ANO2: variants seen among roughly 807,000 people sequenced by gnomAD.
ANO2 encodes the protein anoctamin-2.
In ANO2, 101 loss-of-function variants were observed where a neutral mutation model predicts 124.2. The observed-to-expected ratio is 0.81, with a 90% CI of 0.69 to 0.96. The LOEUF (loss-of-function observed/expected upper bound fraction) is 0.96, where lower values mean the gene tolerates loss of function less well. Ranked by LOEUF, ANO2 falls within the 40% of genes least tolerant of loss-of-function variation. The pLI, the probability that ANO2 is intolerant of heterozygous loss-of-function variation, is 0.00. For missense variants in ANO2, 1,293 were observed against 1,274.5 expected (o/e 1.01, Z -0.22); for synonymous variants, 486 against 482.5 (o/e 1.01, Z -0.09).
At chr12:5,800,190 C>T (rs1952996875) in intron 9 of ANO2, among the ~76,000 whole-genome samples, 1 of 152,084 alleles carries the variant, frequency 6.6e-6, no homozygotes, top group African/African-American at 2.4e-5. Flanking sequence ...TGTGCAAATG[C>T]CCCAAGGCAA....
At chr12:5,632,356 A>G (rs1044985955) in intron 16 of ANO2, among the ~76,000 whole-genome samples, 16 of 151,870 alleles carry the variant, frequency 1.1e-4, no homozygotes, top group African/African-American at 3.9e-4. Context: ...CTGAGTCTGA[A>G]CCTTAGTAAA....
At chr12:5,618,639 T>C (rs1944959906) in intron 16 of ANO2, among the ~76,000 whole-genome samples, 1 of 152,150 alleles carries the variant, frequency 6.6e-6, no homozygotes, top group African/African-American at 2.4e-5. Context: ...CCATTATTGT[T>C]TTCATCAAAC....
At chr12:5,595,642 A>T (rs938282553) in intron 20 of ANO2, among the ~76,000 whole-genome samples, 2 of 152,202 alleles carry the variant, frequency 1.3e-5, no homozygotes, top group Admixed American at 6.5e-5. Context: ...GTTGAAAAAC[A>T]TATGTGTAAG....
intron 20 of ANO2, 24 bp from the exon 21 acceptor site, chr12:5,578,542 G>A (rs1383685503): frequency 1.2e-6 from 2 of 1,604,674 alleles, no homozygotes; most frequent in East Asian, 2.2e-5. Flanking sequence ...CAGCATGAGG[G>A]CTTCAGCAGG....
intron 14 of ANO2, among the ~76,000 whole-genome samples, chr12:5,717,123 C>T (rs1184053578): frequency 6.6e-6 from 1 of 152,242 alleles, no homozygotes; most frequent in Non-Finnish European, 1.5e-5. Flanking sequence ...GCATTCAGCT[C>T]AGGCTGTGCT....
In ANO2 at chr12:5,806,061, A is replaced by T; in HGVS notation, c.981T>A (p.Asn327Lys). 1.2e-6 allele frequency: 2 copies of T among 1,613,838 alleles called. No homozygotes were observed. The highest frequency in any genetic ancestry group is 1.7e-6 in the Non-Finnish European group (2 of 1,179,818). Residue 327 changes from asparagine (N) to lysine (K), a missense_variant, in exon 9 of 25, where the codon AAT (asparagine) becomes AAA (lysine). Asn to Lys is a moderately conservative substitution (Grantham distance 94, BLOSUM62 0). Coordinates refer to ENST00000682330, the MANE Select transcript of ANO2 (RefSeq NM_001364791.2). Reference sequence around the variant, plus strand: ...CACGAGGCAGGCTTACCTTCCTGTCATTCATATCGTCCTCTGGACTATCGT... The same window carrying T: ...CACGAGGCAGGCTTACCTTCCTGTCTTTCATATCGTCCTCTGGACTATCGT... ...GEYDSPEDDM[N>K]DRKLLYQEWA...
chr12:5,834,283 C>T (rs1424941462), intron 4 of ANO2, among the ~76,000 whole-genome samples: 2 of 152,216 alleles, frequency 1.3e-5, no homozygotes, highest in Admixed American at 6.5e-5. Flanking sequence ...CATCCAGACG[C>T]TCTGACTCAA....
At chr12:5,856,735 T>C (rs1319793847) in intron 3 of ANO2, 1 of 152,208 alleles carries the variant, frequency 6.6e-6, no homozygotes, top group East Asian at 1.9e-4. Context: ...GAGAGTGTCA[T>C]AGCAGCCCTG....
At position 5,904,539 on chromosome 12, in the gene ANO2, G is replaced by A. The variant is rs1252605927; in HGVS notation, c.534+16501C>T. Among the ~76,000 whole-genome samples the A allele has an allele frequency of 1.3e-5, 2 of 152,178 alleles. No individual in the cohort carries two copies. Among genetic ancestry groups the A allele is most frequent in the African/African-American group, 4.8e-5 (2 of 41,448 alleles). On this transcript the variant is annotated intron_variant, in intron 3 of 24. Transcript: ENST00000682330. This position sits in a 1 kb window ranked among gnomAD's most constrained non-coding sequence, Gnocchi z 4.1. ...CGAATGAGCGGCGCACACACCTGTG[G>A]GTTTATCCCAGTACTGCTTCCGGGG...
intron 17 of ANO2, 85 bp downstream of exon 17, chr12:5,615,101 G>T: frequency 9.4e-7 from 1 of 1,062,692 alleles, no homozygotes; most frequent in African/African-American, 1.6e-5. Flanking sequence ...GGACAATGGG[G>T]ACAGGCTGAC....
At chr12:5,690,497 C>A (rs1265037283) in intron 14 of ANO2, among the ~76,000 whole-genome samples, 1 of 152,204 alleles carries the variant, frequency 6.6e-6, no homozygotes, top group Non-Finnish European at 1.5e-5. Context: ...AAGTCAGCAT[C>A]CTCAGCACAG....
chr12:5,589,239 C>T (rs1056527697), intron 20 of ANO2, among the ~76,000 whole-genome samples: 4 of 152,158 alleles, frequency 2.6e-5, no homozygotes, highest in African/African-American at 2.4e-5. Context: ...GGTGGGTTCA[C>T]GTTACACCTT....
At chr12:5,866,712 T>G (rs1452387429) in intron 3 of ANO2, among the ~76,000 whole-genome samples, 1 of 152,202 alleles carries the variant, frequency 6.6e-6, no homozygotes, top group Non-Finnish European at 1.5e-5. Context: ...AGCCTGGGGA[T>G]CCAGGGGGCT....
intron 10 of ANO2, among the ~76,000 whole-genome samples, chr12:5,755,119 TTGAGA>T (rs1951538909): frequency 6.6e-6 from 1 of 151,976 alleles, no homozygotes; most frequent in African/African-American, 2.4e-5. Context: ...TTCATTTGTC[TTGAGA>T]TATTTTCTAA....
Position 5,736,464 on chromosome 12 carries a change from C to T in ANO2, c.1434+2853G>A, listed in dbSNP as rs181206033. On this transcript the variant is annotated intron_variant, in intron 13 of 24. Transcript: ENST00000682330. Reference sequence around the variant, plus strand: ...TCTTAAGGTTATAGAAAGCTAGACTCGCAAGCATTCCTGATACTGGGAGGT... The same window carrying T: ...TCTTAAGGTTATAGAAAGCTAGACTTGCAAGCATTCCTGATACTGGGAGGT... 2.3e-3 allele frequency among the ~76,000 whole-genome samples: 353 copies of T among 152,246 alleles called. 1 individual carries two copies. The highest frequency in any genetic ancestry group is 2.7e-3 in the Non-Finnish European group (183 of 68,012).
At chr12:5,687,994 T>C (rs1948774736) in intron 14 of ANO2, among the ~76,000 whole-genome samples, 2 of 152,218 alleles carry the variant, frequency 1.3e-5, no homozygotes, top group African/African-American at 4.8e-5. Flanking sequence ...GACTGCTGAA[T>C]TAGCATCATG....
intron 14 of ANO2, among the ~76,000 whole-genome samples, chr12:5,729,323 A>G (rs980948849): frequency 3.9e-5 from 6 of 152,202 alleles, no homozygotes; most frequent in African/African-American, 9.6e-5. Flanking sequence ...CCAAAAGCCA[A>G]TTAACCCAAT....
At chr12:5,807,933 C>T (rs1228739726) in intron 7 of ANO2, among the ~76,000 whole-genome samples, 2 of 152,188 alleles carry the variant, frequency 1.3e-5, no homozygotes, top group Non-Finnish European at 1.5e-5. Flanking sequence ...TGGAGGAAAA[C>T]TATTTTTCTA....
chr12:5,925,813 G>A lies in ANO2; in HGVS notation c.23-3009C>T, dbSNP rs936422799. On this transcript the variant is annotated intron_variant, in intron 1 of 24. Transcript: ENST00000682330. The surrounding 1 kb of genome is among the most constrained non-coding windows in gnomAD (Gnocchi z 4.6). ...GAGGGTGGGGGCATGGCTTACCCAC[G>A]TCTGGGTTGAGGAGATGGATGTCGT... 3.3e-5 allele frequency among the ~76,000 whole-genome samples: 5 copies of A among 152,218 alleles called. No individual in the cohort carries two copies. Among genetic ancestry groups the A allele is most frequent in the Admixed American group, 6.5e-5 (1 of 15,290 alleles).
Sources: gnomAD v4.1 joint callset for allele counts (sites outside exome capture counted in the v4.1 genomes callset) on GRCh38, gnomAD v4.1.1 for gene constraint, Gnocchi (gnomAD v3.1) non-coding constraint, MANE v1.5 for transcripts, NCBI Gene and HGNC (gene_info 2026-07-23, HGNC 2026-07-21) for gene names.